The following NT5DC4 variants were observed in gnomAD, a reference collection of about 807,000 sequenced individuals.
The protein encoded by NT5DC4 is 5'-nucleotidase domain containing 4.
Under a neutral mutation model 26.6 loss-of-function variants are expected in NT5DC4, and 44 were observed. The observed-to-expected ratio is 1.65, with a 90% confidence interval of 1.30 to 2.13. The LOEUF is 2.13. Among genes scored for constraint, NT5DC4 ranks in the 30% most tolerant of loss-of-function variants. The probability of loss-of-function intolerance (pLI) is 0.00; values close to 1 mark genes in which losing one functional copy is unlikely to be tolerated. For missense variants in NT5DC4, 399 were observed against 228.1 expected, an observed-to-expected ratio of 1.75 and a Z score of -4.83; for synonymous variants, 157 against 86.7, an observed-to-expected ratio of 1.81 and a Z score of -4.51.
Position 112,725,548 on chromosome 2 carries a change from G to T in NT5DC4, c.1149G>T (p.Glu383Asp), listed in dbSNP as rs760429440. 4.3e-6 allele frequency: 3 copies of T among 705,718 alleles called. No individual in the cohort carries two copies. In the South Asian group the frequency reaches 4.5e-5, roughly 11 times the overall value. The allele number at this position is 705,718 out of a possible 1,614,324, so 43.7% of individuals were successfully genotyped here. ...LSWELDIWAQ[E>D]KERLEELKRL... ...GGGAGCTGGACATCTGGGCCCAGGA[G>T]AAGGGTGAGCTGTTGGGGTCTGGAA... Residue 383 changes from glutamate to aspartate, a missense_variant, in exon 13 of 17, where the codon GAG becomes GAT. Transcript: ENST00000688554.
rs61214343 is a variant in NT5DC4, at chr2:112,723,140, A to T, written c.587A>T (p.Asp196Val). The change falls in exon 7 of 17, where the codon GAT becomes GTT. Residue 196 changes from aspartate to valine, a missense_variant. Coordinates refer to ENST00000688554, the MANE Select transcript of NT5DC4 (RefSeq NM_001393655.1). ...ATGTCCTTCCGAAGCCTCTTCCAGG[A>T]TGTGACTGATGCCATGAATAACATC... ...LFMSFRSLFQ[D>V]VTDAMNNIHQ... 1.4e-6 allele frequency: 1 copy of T among 717,314 alleles called. No individual in the cohort carries two copies. The highest frequency in any genetic ancestry group is 1.5e-5 in the South Asian group (1 of 67,594). 44.4% of individuals were successfully genotyped at this position (717,314 alleles called of 1,614,324 possible). A position where few individuals can be genotyped will look rare whatever the true frequency, so the allele number is the denominator to read the frequency against.
At chr2:112,726,610 T>A in intron 14 of NT5DC4, 68 bp from the exon 15 acceptor site, 1 of 717,216 alleles carries the variant, frequency 1.4e-6, no homozygotes, top group Non-Finnish European at 2.6e-6. Context: ...TGCTGGGGTC[T>A]AAGGAGACTG....
At chr2:112,738,892 T>C (rs1679612274) in intron 16 of NT5DC4, 21 bp from the exon 17 acceptor site, 3 of 1,614,054 alleles carry the variant, frequency 1.9e-6, no homozygotes, top group Admixed American at 3.3e-5. Context: ...TAAAACATTT[T>C]GTTTCTTCCA....
Position 112,724,887 on chromosome 2 carries a change from C to T in NT5DC4, c.896C>T (p.Thr299Met), listed in dbSNP as rs755962172. The T allele has an allele frequency of 1.1e-4, 79 of 717,088 alleles. No individual in the cohort carries two copies. The highest frequency in any genetic ancestry group is 4.5e-4 in the African/African-American group (26 of 57,350). The allele number at this position is 717,088 out of a possible 1,614,324, so 44.4% of individuals were successfully genotyped here. ...AEGLVLRQVN[T>M]VMAGAEDSGK... ...GGGTTGGTCCTGAGGCAGGTCAACA[C>T]GGTAATGGCAGGTGCAGAGGTCAGT... The change falls in exon 11 of 17, where the codon ACG becomes ATG. Residue 299 changes from threonine to methionine, a missense_variant. Transcript: ENST00000688554.
At chr2:112,723,361 G>GCACATA in intron 7 of NT5DC4, 57 bp from the exon 8 acceptor site, 2 of 636,794 alleles carry the variant, frequency 3.1e-6, no homozygotes, top group South Asian at 3.6e-5. Flanking sequence ...GGGTACACAT[G>GCACATA]CACACACACA....
chr2:112,720,634 T>A (rs1373895771), upstream of NT5DC4, among the ~76,000 whole-genome samples: 1 of 152,256 alleles, frequency 6.6e-6, no homozygotes, highest in African/African-American at 2.4e-5. Context: ...CTTCTCTAAA[T>A]GGCCTTGAGC....
chr2:112,740,786 T>C, downstream of NT5DC4: 3 of 1,555,012 alleles, frequency 1.9e-6, no homozygotes, highest in South Asian at 2.3e-5. Flanking sequence ...ATTAAGTCTG[T>C]GAACACAAAG....
intron 16 of NT5DC4, among the ~76,000 whole-genome samples, chr2:112,732,729 G>C (rs922255297): frequency 1.3e-5 from 2 of 152,158 alleles, no homozygotes; most frequent in African/African-American, 4.8e-5. Context: ...GGGGATCCTA[G>C]CGAGGGAAAG....
chr2:112,721,735 G>T (rs569854790), intron 1 of NT5DC4, 83 bp from the exon 2 acceptor site: 2 of 716,484 alleles, frequency 2.8e-6, no homozygotes, highest in Non-Finnish European at 5.2e-6. Context: ...CCTCCTCTGC[G>T]GGGTTTCCAC....
chr2:112,723,357 A>C, intron 7 of NT5DC4, 61 bp from the exon 8 acceptor site: 1 of 672,458 alleles, frequency 1.5e-6, no homozygotes, highest in South Asian at 1.6e-5. Context: ...GGGTGGGTAC[A>C]CATGCACACA....
chr2:112,740,947 T>C (rs1387830264), downstream of NT5DC4: 11 of 1,614,082 alleles, frequency 6.8e-6, no homozygotes, highest in Non-Finnish European at 8.5e-6. Flanking sequence ...TTCCATCTTC[T>C]TGGCCAGCTC....
chr2:112,735,456 C>T (rs547742424), intron 16 of NT5DC4, among the ~76,000 whole-genome samples: 1 of 151,914 alleles, frequency 6.6e-6, no homozygotes, highest in South Asian at 2.1e-4. Context: ...CATGGTCATT[C>T]TGCACAGAGA....
chr2:112,719,912 C>CTT (rs1288216964), upstream of NT5DC4, among the ~76,000 whole-genome samples: 11 of 95,622 alleles, frequency 1.2e-4, no homozygotes, highest in African/African-American at 5.8e-4. Flanking sequence ...CTTTTTCTTT[C>CTT]TTTCTTTCTT....
rs534058132 is a variant in NT5DC4 at position 112,721,870 on chromosome 2, G to C, written c.127G>C (p.Asp43His). The C allele has an allele frequency of 1.4e-6, 1 of 717,206 alleles. No homozygotes were observed. The highest frequency in any genetic ancestry group is 2.6e-6 in the Non-Finnish European group (1 of 385,104). The allele number at this position is 717,206 out of a possible 1,614,324, so 44.4% of individuals were successfully genotyped here. ...GGGGAAGATTCGTTGCTTTGGCTTC[G>C]ACATGGACTACACTCTGGCTGGTAG... The part of the protein sequence containing the change: ...ALGKIRCFGF[D>H]MDYTLAAYKS... The change falls in exon 2 of 17, where the codon GAC becomes CAC. Residue 43 changes from aspartate (D) to histidine (H), a missense_variant. Transcript: ENST00000688554.
At chr2:112,721,963 T>C (rs757639143) in intron 2 of NT5DC4, 23 bp from the exon 3 acceptor site, 20 of 717,182 alleles carry the variant, frequency 2.8e-5, no homozygotes, top group South Asian at 2.5e-4. Flanking sequence ...ACCAAAGCCC[T>C]GATTCTGTCC....
intron 16 of NT5DC4, among the ~76,000 whole-genome samples, chr2:112,735,190 C>T (rs968304882): frequency 4.6e-5 from 7 of 151,790 alleles, no homozygotes; most frequent in African/African-American, 1.5e-4. Flanking sequence ...ATTACAGGTG[C>T]GTACCCCCAC....
chr2:112,730,622 C>A (rs1026539126), intron 16 of NT5DC4, among the ~76,000 whole-genome samples: 1 of 152,164 alleles, frequency 6.6e-6, no homozygotes, highest in Non-Finnish European at 1.5e-5. Context: ...TTCTGCACCC[C>A]CAAAACCCTG....
chr2:112,720,055 C>T (rs974769805), upstream of NT5DC4, among the ~76,000 whole-genome samples: 50 of 131,336 alleles, frequency 3.8e-4, no homozygotes, highest in African/African-American at 1.5e-3. Flanking sequence ...CTTTTTCTTT[C>T]CCTTTTTATT....
At chr2:112,742,473 C>A (rs1680041834), downstream of NT5DC4, 5 of 717,874 alleles carry the variant, frequency 7.0e-6, no homozygotes, top group Non-Finnish European at 1.3e-5. Context: ...GTGGGACACT[C>A]CAGTCTAGGC....
Sources: allele counts gnomAD v4.1 joint callset (sites outside exome capture counted in the v4.1 genomes callset), GRCh38; gene constraint gnomAD v4.1.1; transcripts MANE v1.5; gene names NCBI Gene and HGNC (gene_info 2026-07-23, HGNC 2026-07-21).